The following NFASC variants were observed in gnomAD, a reference collection of about 807,000 sequenced individuals.
The protein encoded by NFASC is neurofascin homolog.
Under a neutral mutation model 147.5 loss-of-function variants are expected in NFASC, and 43 were observed. The ratio of observed to expected loss-of-function variants is 0.29; its 90% CI spans 0.23 to 0.38. The LOEUF (loss-of-function observed/expected upper bound fraction) is 0.38, where lower values mean the gene tolerates loss of function less well. NFASC is among the 10% of genes least tolerant of loss of function. The probability of loss-of-function intolerance (pLI) is 1.00; values close to 1 mark genes in which losing one functional copy is unlikely to be tolerated. For synonymous variants in NFASC, 622 were observed against 665.5 expected (o/e 0.93, Z 1.01); for missense variants, 1,320 against 1,689.0 (o/e 0.78, Z 3.83).
intron 1 of NFASC, among the ~76,000 whole-genome samples, chr1:204,839,778 C>A (rs141919831): frequency 6.6e-6 from 1 of 152,200 alleles, no homozygotes; most frequent in Non-Finnish European, 1.5e-5. Flanking sequence ...GGTGACAGAG[C>A]CTTGCTCTTA....
intron 1 of NFASC, among the ~76,000 whole-genome samples, chr1:204,903,695 T>G (rs1207518725): frequency 6.6e-6 from 1 of 152,230 alleles, no homozygotes; most frequent in African/African-American, 2.4e-5. Flanking sequence ...AACATGTCTC[T>G]GGCCAGGTCA....
intron 1 of NFASC, among the ~76,000 whole-genome samples, chr1:204,832,520 T>A (rs745737132): frequency 6.6e-6 from 1 of 151,640 alleles, no homozygotes; most frequent in South Asian, 2.1e-4. Flanking sequence ...GCAGGAGAGG[T>A]CCTTAGAAGC....
At chr1:204,845,589 T>A (rs773041035) in intron 1 of NFASC, among the ~76,000 whole-genome samples, 11 of 151,894 alleles carry the variant, frequency 7.2e-5, no homozygotes, top group Non-Finnish European at 1.5e-4. Flanking sequence ...AAGGAGGAGA[T>A]TTGGGGTGGA....
At chr1:204,951,288 A>C (rs1481209105) in intron 4 of NFASC, among the ~76,000 whole-genome samples, 1 of 143,628 alleles carries the variant, frequency 7.0e-6, no homozygotes, top group East Asian at 2.0e-4. Context: ...AGCTGGGGTT[A>C]TAGGTGCTCA....
In NFASC at chr1:205,002,719, G is replaced by A; in HGVS notation, c.3260G>A (p.Ser1087Asn). ...VYSRDNEGISSTVITFMTSTA... is the reference protein window; with the variant it reads ...VYSRDNEGISNTVITFMTSTA... ...TCCCGGGACAACGAGGGCATCAGCA[G>A]TACCGTCATCACCTTTATGACCAGT... The change falls in exon 27 of 30, where the codon AGT becomes AAT. Residue 1087 changes from serine to asparagine, a missense_variant. This residue lies in a region of NFASC where 167 missense variants were observed against 233.8 expected (regional missense o/e 0.71). Transcript: ENST00000339876. 2 of 1,563,928 alleles carry A rather than the reference G, an allele frequency of 1.3e-6. No individual in the cohort carries two copies. The highest frequency in any genetic ancestry group is 1.7e-6 in the Non-Finnish European group (2 of 1,144,504).
intron 5 of NFASC, among the ~76,000 whole-genome samples, chr1:204,952,794 C>T (rs757487199): frequency 2.0e-5 from 3 of 152,168 alleles, no homozygotes; most frequent in Non-Finnish European, 4.4e-5. Flanking sequence ...ACAGACTGAG[C>T]CTTTCAGGAG....
At chr1:204,955,525 G>A (rs1344258375) in intron 7 of NFASC, among the ~76,000 whole-genome samples, 1 of 152,188 alleles carries the variant, frequency 6.6e-6, no homozygotes, top group African/African-American at 2.4e-5. Context: ...GGAGTGATGG[G>A]GAGATAGGGT....
chr1:204,845,088 G>T (rs757425288), intron 1 of NFASC, among the ~76,000 whole-genome samples: 1 of 152,108 alleles, frequency 6.6e-6, no homozygotes. Flanking sequence ...CTCTGTGCCC[G>T]AGCTGTCTTA....
intron 1 of NFASC, among the ~76,000 whole-genome samples, chr1:204,879,597 T>C (rs912592650): frequency 6.6e-6 from 1 of 152,216 alleles, no homozygotes; most frequent in East Asian, 1.9e-4. Context: ...TGCTTTCTCA[T>C]AGGATCTGGG....
intron 27 of NFASC, 121 bp from the exon 28 acceptor site, chr1:205,009,436 G>A: frequency 3.8e-6 from 4 of 1,058,290 alleles, no homozygotes. Context: ...CTGCTAGGTG[G>A]TAGTGTTAGG....
intron 1 of NFASC, among the ~76,000 whole-genome samples, chr1:204,830,751 A>C (rs2102325323): frequency 6.6e-6 from 1 of 152,322 alleles, no homozygotes; most frequent in African/African-American, 2.4e-5. Context: ...GGAACAGGGA[A>C]TGGCAGCCCG....
Position 204,920,843 on chromosome 1 carries a change from C to G in NFASC, c.-91+103C>G, listed in dbSNP as rs113375855. 888 of 484,080 alleles carry G rather than the reference C, an allele frequency of 1.8e-3. 10 individuals are homozygous for G. The highest frequency in any genetic ancestry group is 0.016 in the African/African-American group (800 of 49,616). The allele number at this position is 484,080 out of a possible 1,614,324, so 30.0% of individuals were successfully genotyped here. A position where few individuals can be genotyped will look rare whatever the true frequency, so the allele number is the denominator to read the frequency against. Reference sequence around the variant, plus strand: ...TCTTTGATAAGGGAAGCCTGTTTGCCTGGCCCCAGGAATCTTCTGAGAGGC... The same window carrying G: ...TCTTTGATAAGGGAAGCCTGTTTGCGTGGCCCCAGGAATCTTCTGAGAGGC... On this transcript the variant is annotated intron_variant, in intron 2 of 29. Coordinates refer to ENST00000339876, the MANE Select transcript of NFASC (RefSeq NM_001005388.3).
chr1:204,836,810 T>C (rs1305375970), intron 1 of NFASC, among the ~76,000 whole-genome samples: 1 of 152,252 alleles, frequency 6.6e-6, no homozygotes, highest in Non-Finnish European at 1.5e-5. Flanking sequence ...ATTGAAGCCT[T>C]TGTCATCCAC....
intron 2 of NFASC, among the ~76,000 whole-genome samples, chr1:204,934,234 A>G (rs1361820416): frequency 6.6e-6 from 1 of 151,558 alleles, no homozygotes; most frequent in Non-Finnish European, 1.5e-5. Flanking sequence ...TGGGGAGAGC[A>G]GCATTTCATG....
At chr1:205,014,103 G>T (rs112994892) in intron 29 of NFASC, among the ~76,000 whole-genome samples, 1 of 152,312 alleles carries the variant, frequency 6.6e-6, no homozygotes, top group Non-Finnish European at 1.5e-5. Flanking sequence ...TCTTGGTGCA[G>T]CCAGAGAGGA....
Position 204,905,164 on chromosome 1 carries a change from A to C in NFASC, c.-199-15468A>C, listed in dbSNP as rs117145098. On this transcript the variant is annotated intron_variant, in intron 1 of 29. Transcript: ENST00000339876. ...CAGTGGTGCAGTCATAGTGCATCAT[A>C]GCCTGGAACTCCTGGGCTCGAGTCA... is the stretch of plus-strand genomic sequence containing the variant. Among the ~76,000 whole-genome samples the C allele has an allele frequency of 2.6e-3, 395 of 152,278 alleles. 16 individuals are homozygous for C. In the East Asian group the frequency reaches 0.06, roughly 23 times the overall value.
intron 8 of NFASC, among the ~76,000 whole-genome samples, chr1:204,963,615 A>C (rs2094798981): frequency 6.6e-6 from 1 of 152,244 alleles, no homozygotes; most frequent in Non-Finnish European, 1.5e-5. Context: ...AGATCCATCC[A>C]GGACTATGAA....
At chr1:204,978,588 C>A (rs191542430) in intron 17 of NFASC, among the ~76,000 whole-genome samples, 61 of 152,376 alleles carry the variant, frequency 4.0e-4, no homozygotes, top group Middle Eastern at 3.4e-3. Flanking sequence ...GAATCCCACA[C>A]TCCCTCATCA....
intron 1 of NFASC, among the ~76,000 whole-genome samples, chr1:204,910,823 GA>G (rs1464492038): frequency 2.5e-5 from 3 of 118,680 alleles, no homozygotes; most frequent in African/African-American, 8.5e-5. Context: ...AGTTCCAAGA[GA>G]TTTTTTTTTA....
Sources: gnomAD v4.1 joint callset for allele counts (sites outside exome capture counted in the v4.1 genomes callset) on GRCh38, gnomAD v4.1.1 for gene constraint, gnomAD v4.1.1 regional missense constraint, MANE v1.5 for transcripts, NCBI Gene and HGNC (gene_info 2026-07-23, HGNC 2026-07-21) for gene names.